TRDN: variants seen among roughly 807,000 people sequenced by gnomAD.
TRDN encodes triadin in skeletal muscle.
TRDN carries 161 observed loss-of-function variants against 149.7 expected under a neutral mutation model. The observed-to-expected ratio is 1.08, with a 90% CI of 0.95 to 1.23. The LOEUF is 1.23. Ranked by LOEUF, TRDN falls within the 50% of genes most tolerant of loss-of-function variation. The pLI is 0.00. For missense variants in TRDN, 896 were observed against 823.5 expected, an observed-to-expected ratio of 1.09 and a Z score of -1.08; for synonymous variants, 294 against 250.5, an observed-to-expected ratio of 1.17 and a Z score of -1.64.
chr6:123,280,561 T>C (rs1184650310), intron 24 of TRDN, among the ~76,000 whole-genome samples: 2 of 152,046 alleles, frequency 1.3e-5, no homozygotes, highest in Non-Finnish European at 2.9e-5. Flanking sequence ...TATCTACATA[T>C]AGTATCTCTC....
intron 1 of TRDN, among the ~76,000 whole-genome samples, chr6:123,633,122 C>T (rs966831502): frequency 5.9e-5 from 9 of 152,016 alleles, no homozygotes; most frequent in African/African-American, 2.2e-4. Context: ...GCTCTTCTAA[C>T]ATTTTAAATA....
chr6:123,543,216 C>T (rs1218320102), intron 4 of TRDN, among the ~76,000 whole-genome samples: 1 of 152,014 alleles, frequency 6.6e-6, no homozygotes, highest in East Asian at 1.9e-4. Context: ...TATAAAATAA[C>T]ATGTTGCATT....
chr6:123,286,007 C>CA (rs1202179598), intron 24 of TRDN, among the ~76,000 whole-genome samples: 1 of 151,768 alleles, frequency 6.6e-6, no homozygotes, highest in Non-Finnish European at 1.5e-5. Flanking sequence ...TGGCCATAAT[C>CA]AAAAAATTAA....
intron 19 of TRDN, among the ~76,000 whole-genome samples, chr6:123,371,639 T>C (rs371924972): frequency 6.6e-6 from 1 of 152,194 alleles, no homozygotes; most frequent in South Asian, 2.1e-4. Context: ...ACCTAGATTT[T>C]ACTTCTGTCA....
At chr6:123,440,354 C>G (rs1385690213) in intron 10 of TRDN, among the ~76,000 whole-genome samples, 1 of 152,098 alleles carries the variant, frequency 6.6e-6, no homozygotes, top group African/African-American at 2.4e-5. Flanking sequence ...TAGAAATAAA[C>G]CAATTGATTT....
chr6:123,369,243 T>C (rs1243791048), intron 19 of TRDN, among the ~76,000 whole-genome samples: 1 of 152,158 alleles, frequency 6.6e-6, no homozygotes, highest in East Asian at 1.9e-4. Flanking sequence ...TTTCCTCTTC[T>C]TTTAAGGATA....
chr6:123,588,005 A>G (rs895368548), intron 1 of TRDN, among the ~76,000 whole-genome samples: 1 of 152,182 alleles, frequency 6.6e-6, no homozygotes, highest in Admixed American at 6.5e-5. Context: ...CAGAGGCCTG[A>G]CAATGGAGAT....
intron 24 of TRDN, among the ~76,000 whole-genome samples, chr6:123,290,877 C>T (rs1777986768): frequency 6.6e-6 from 1 of 152,220 alleles, no homozygotes; most frequent in Non-Finnish European, 1.5e-5. Context: ...TACTTTCTGG[C>T]TGGGTGCAGT....
intron 20 of TRDN, among the ~76,000 whole-genome samples, chr6:123,365,652 G>T (rs1582923081): frequency 6.6e-6 from 1 of 152,106 alleles, no homozygotes; most frequent in Non-Finnish European, 1.5e-5. Context: ...CTACATTATT[G>T]ACTTCATTTC....
rs1204211548 is a variant in TRDN at position 123,634,843 on chromosome 6, C to T, written c.22+1911G>A. Among the ~76,000 whole-genome samples the T allele has an allele frequency of 2.6e-5, 4 of 151,930 alleles. No homozygotes were observed. In the East Asian group the frequency reaches 5.8e-4, roughly 22 times the overall value. On this transcript the variant is annotated intron_variant, in intron 1 of 40. Transcript: ENST00000334268. ...CCCGGAAGTGGAAAATGACCATCACCCAAGAATTAGATGGTATTTCTACTT... is the reference window on the plus strand; with the variant it reads ...CCCGGAAGTGGAAAATGACCATCACTCAAGAATTAGATGGTATTTCTACTT...
chr6:123,381,479 C>G, intron 15 of TRDN, 89 bp from the exon 16 acceptor site: 1 of 1,250,278 alleles, frequency 8.0e-7, no homozygotes, highest in African/African-American at 1.5e-5. Flanking sequence ...TAATTTTTCC[C>G]ACCCCTCCTT....
chr6:123,585,112 G>T (rs934771281), intron 1 of TRDN, among the ~76,000 whole-genome samples: 3 of 150,264 alleles, frequency 2.0e-5, no homozygotes, highest in Admixed American at 1.3e-4. Flanking sequence ...GCCAAGGAGG[G>T]AGTAGAGGTA....
At chr6:123,265,405 C>G in intron 32 of TRDN, 67 bp from the exon 33 acceptor site, 1 of 1,033,636 alleles carries the variant, frequency 9.7e-7, no homozygotes, top group Non-Finnish European at 1.3e-6. Flanking sequence ...GACATATCAG[C>G]CCTTTATATT....
At chr6:123,352,494 G>A in intron 21 of TRDN, 45 bp downstream of exon 21, 2 of 1,604,250 alleles carry the variant, frequency 1.2e-6, no homozygotes, top group South Asian at 1.1e-5. Flanking sequence ...GCATGTTGTT[G>A]TCTTTCTAAA....
At chr6:123,394,718 A>C (rs1772649114) in intron 12 of TRDN, among the ~76,000 whole-genome samples, 1 of 152,184 alleles carries the variant, frequency 6.6e-6, no homozygotes, top group South Asian at 2.1e-4. Flanking sequence ...ACATGATTAT[A>C]AAAATGCTAA....
chr6:123,336,688 T>C (rs995100497), intron 22 of TRDN, among the ~76,000 whole-genome samples: 7 of 151,896 alleles, frequency 4.6e-5, no homozygotes, highest in Non-Finnish European at 1.0e-4. Context: ...AATTACATCA[T>C]ATTAGATGCA....
intron 4 of TRDN, among the ~76,000 whole-genome samples, chr6:123,531,486 C>T (rs13214109): frequency 0.099 from 15,028 of 152,022 alleles, 1,032 homozygotes; most frequent in South Asian, 0.22. Flanking sequence ...CATGGCAACA[C>T]CCTAAATATC....
chr6:123,231,579 A>G (rs1192355104), intron 38 of TRDN, among the ~76,000 whole-genome samples: 1 of 152,084 alleles, frequency 6.6e-6, no homozygotes, highest in Non-Finnish European at 1.5e-5. Context: ...TACCTGGATT[A>G]TAGAGGCCCT....
At chr6:123,451,976 A>G (rs1159323748) in intron 10 of TRDN, among the ~76,000 whole-genome samples, 1 of 152,154 alleles carries the variant, frequency 6.6e-6, no homozygotes, top group Admixed American at 6.5e-5. Flanking sequence ...ACACCACATA[A>G]ACAGAATTAA....
Sources: gnomAD v4.1 joint callset for allele counts (sites outside exome capture counted in the v4.1 genomes callset) on GRCh38, gnomAD v4.1.1 for gene constraint, MANE v1.5 for transcripts, NCBI Gene and HGNC (gene_info 2026-07-23, HGNC 2026-07-21) for gene names.